The following PLEKHG3 variants were observed in gnomAD, a reference collection of about 807,000 sequenced individuals.
PLEKHG3 encodes pleckstrin homology domain-containing family G member 3.
Under a neutral mutation model 94.9 loss-of-function variants are expected in PLEKHG3, and 62 were observed. The ratio of observed to expected loss-of-function variants is 0.65; its 90% CI spans 0.53 to 0.81. The LOEUF (loss-of-function observed/expected upper bound fraction) is 0.81. Ranked by LOEUF, PLEKHG3 falls within the 30% of genes least tolerant of loss-of-function variation. PLEKHG3 has a pLI of 0.00. For synonymous variants in PLEKHG3, 614 were observed against 654.0 expected, an observed-to-expected ratio of 0.94 and a Z score of 0.93; for missense variants, 1,461 against 1,619.3, an observed-to-expected ratio of 0.90 and a Z score of 1.68.
At chr14:64,707,083 G>A (rs1040711331) in intron 1 of PLEKHG3, among the ~76,000 whole-genome samples, 1 of 152,176 alleles carries the variant, frequency 6.6e-6, no homozygotes, top group Non-Finnish European at 1.5e-5. Context: ...GCTCTGTCCC[G>A]CCTCTCTGGC....
Position 64,731,246 on chromosome 14 carries a change from C to A in PLEKHG3, c.849+77C>A. 6.7e-7 allele frequency: 1 copy of A among 1,483,462 alleles called. No homozygotes were observed. The highest frequency in any genetic ancestry group is 9.3e-7 in the Non-Finnish European group (1 of 1,074,102). 91.9% of individuals were successfully genotyped at this position (1,483,462 alleles called of 1,614,324 possible). A position where few individuals can be genotyped will look rare whatever the true frequency, so the allele number is the denominator to read the frequency against. On this transcript the variant is annotated intron_variant, in intron 7 of 16. Transcript: ENST00000247226. This position sits in a 1 kb window ranked among gnomAD's most constrained non-coding sequence, Gnocchi z 6.1. ...TTCCGCTGGGAAGAGGGACTGTGGC[C>A]ACCCTGCTGGGATGAGCTGGGCAGT...
In PLEKHG3 at chr14:64,715,532, G is replaced by T. The variant is rs1357284051; in HGVS notation, c.-40+10828G>T. Among the ~76,000 whole-genome samples the T allele has an allele frequency of 6.6e-6, 1 of 152,190 alleles. No homozygotes were observed. The highest frequency in any genetic ancestry group is 1.5e-5 in the Non-Finnish European group (1 of 68,034). ...TCAGTTTCCTGACCTGTAAAATAGG[G>T]ATGGCCACCTGCCTTTCCTCTCTGC... On this transcript the variant is annotated intron_variant, in intron 1 of 16. Transcript: ENST00000247226. This position sits in a 1 kb window ranked among gnomAD's most constrained non-coding sequence, Gnocchi z 4.4.
Position 64,744,770 on chromosome 14 carries a change from GA to G in PLEKHG3, c.*1068del, listed in dbSNP as rs1361569598. ...CCCAGGAAACATCCTAGAAGACAAG[GA>G]TTTTTTTTTTTTTTTTTTTTGAGAC... On this transcript the variant is annotated 3_prime_UTR_variant, in exon 17 of 17. Transcript: ENST00000247226. 2 of 130,758 alleles carry G rather than the reference GA, an allele frequency of 1.5e-5. No individual in the cohort carries two copies. The highest frequency in any genetic ancestry group is 4.0e-4 in the East Asian group (2 of 4,958). 8.1% of individuals were successfully genotyped at this position (130,758 alleles called of 1,614,324 possible). A position where few individuals can be genotyped will look rare whatever the true frequency, so the allele number is the denominator to read the frequency against.
Position 64,716,472 on chromosome 14 carries a change from C to T in PLEKHG3, c.-39-11121C>T, listed in dbSNP as rs2081155242. On this transcript the variant is annotated intron_variant, in intron 1 of 16. Transcript: ENST00000247226. The surrounding 1 kb of genome is among the most constrained non-coding windows in gnomAD (Gnocchi z 5.0). ...CACACACACACACACACACAACACA[C>T]ACACACACAACACACACACACACAA... is the stretch of plus-strand genomic sequence containing the variant. Among the ~76,000 whole-genome samples the T allele has an allele frequency of 7.4e-6, 1 of 134,306 alleles. No homozygotes were observed. Among genetic ancestry groups the T allele is most frequent in the Admixed American group, 7.3e-5 (1 of 13,712 alleles). The allele number at this position is 134,306 out of a possible 152,430, so 88.1% of individuals were successfully genotyped here.
At position 64,715,945 on chromosome 14, in the gene PLEKHG3, G is replaced by A; in HGVS notation, c.-40+11241G>A. ...TGACGAAGTTTTGCAGGAGGCGGCG[G>A]GCGCTTTAATTCCCGAGGCTGTTGG... On this transcript the variant is annotated intron_variant, in intron 1 of 16. Coordinates refer to ENST00000247226, the MANE Select transcript of PLEKHG3 (RefSeq NM_001308147.2). The surrounding 1 kb of genome is among the most constrained non-coding windows in gnomAD (Gnocchi z 4.4). The A allele has an allele frequency of 2.3e-6, 1 of 437,546 alleles. No individual in the cohort carries two copies. Among genetic ancestry groups the A allele is most frequent in the Non-Finnish European group, 4.6e-6 (1 of 219,048 alleles). 27.1% of individuals were successfully genotyped at this position (437,546 alleles called of 1,614,324 possible).
At chr14:64,707,148 C>A (rs960071554) in intron 1 of PLEKHG3, among the ~76,000 whole-genome samples, 5 of 152,214 alleles carry the variant, frequency 3.3e-5, no homozygotes, top group African/African-American at 1.2e-4. Context: ...CCTACTCCAT[C>A]CTCCCTCCTC....
At chr14:64,711,789 T>G (rs1431099841) in intron 1 of PLEKHG3, among the ~76,000 whole-genome samples, 1 of 152,250 alleles carries the variant, frequency 6.6e-6, no homozygotes, top group South Asian at 2.1e-4. Flanking sequence ...ATTCTGTGAT[T>G]TGTCTTTTCA....
At position 64,732,885 on chromosome 14, in the gene PLEKHG3, G is replaced by C; in HGVS notation, c.1329G>C (p.Gln443His). The stretch of plus-strand genomic sequence containing the variant: ...ATGAGGTGTCCACCAATGTGCGCCA[G>C]GGGCGCCGGCAATCTGGTAAGAGAA... ...SQDEVSTNVR[Q>H]GRRQSEPTKH... is the part of the protein sequence containing the mutation. The change falls in exon 12 of 17, where the codon CAG becomes CAC. Residue 443 changes from glutamine to histidine, a missense_variant. Coordinates refer to ENST00000247226, the MANE Select transcript of PLEKHG3 (RefSeq NM_001308147.2). The surrounding 1 kb of genome is among the most constrained non-coding windows in gnomAD (Gnocchi z 4.9). 8.7e-6 allele frequency: 14 copies of C among 1,605,798 alleles called. No individual in the cohort carries two copies. The highest frequency in any genetic ancestry group is 1.2e-5 in the Non-Finnish European group (14 of 1,175,974).
chr14:64,732,476 T>C lies in PLEKHG3; in HGVS notation c.1246+16T>C. On this transcript the variant is annotated intron_variant, in intron 11 of 16. Transcript: ENST00000247226. The surrounding 1 kb of genome is among the most constrained non-coding windows in gnomAD (Gnocchi z 4.9). ...GATTCCTATTGTAAGTGTACCCTTT[T>C]CTGCCTGTTTTGTCCCTAATCGTGC... 1 of 1,610,838 alleles carries C rather than the reference T, an allele frequency of 6.2e-7. No homozygotes were observed. Among genetic ancestry groups the C allele is most frequent in the Non-Finnish European group, 8.5e-7 (1 of 1,176,994 alleles).
Position 64,745,746 on chromosome 14 carries a change from G to C in PLEKHG3, c.*2043G>C, listed in dbSNP as rs556016379. On this transcript the variant is annotated 3_prime_UTR_variant, in exon 17 of 17. Transcript: ENST00000247226. This position sits in a 1 kb window ranked among gnomAD's most constrained non-coding sequence, Gnocchi z 5.0. ...CCTCTGATCTTCCCTTGAAGAACCC[G>C]ACTGGGGCTCTTCAGAGGGTGGGGC... The C allele has an allele frequency of 2.6e-5, 4 of 152,252 alleles. No homozygotes were observed. Among genetic ancestry groups the C allele is most frequent in the African/African-American group, 7.2e-5 (3 of 41,454 alleles). 9.4% of individuals were successfully genotyped at this position (152,252 alleles called of 1,614,324 possible). A position where few individuals can be genotyped will look rare whatever the true frequency, so the allele number is the denominator to read the frequency against.
Position 64,749,799 on chromosome 14 carries a change from C to T in PLEKHG3, c.*6096C>T. On this transcript the variant is annotated 3_prime_UTR_variant, in exon 17 of 17. Coordinates refer to ENST00000247226, the MANE Select transcript of PLEKHG3 (RefSeq NM_001308147.2). This position sits in a 1 kb window ranked among gnomAD's most constrained non-coding sequence, Gnocchi z 4.7. Reference sequence around the variant, plus strand: ...AATACCCTGAGCCGAACATCCAGACCCCTCTCAGGCAGCCCAGCACTTTCT... The same window carrying T: ...AATACCCTGAGCCGAACATCCAGACTCCTCTCAGGCAGCCCAGCACTTTCT... 1 of 1,512,894 alleles carries T rather than the reference C, an allele frequency of 6.6e-7. No individual in the cohort carries two copies. The highest frequency in any genetic ancestry group is 9.1e-7 in the Non-Finnish European group (1 of 1,103,280). 93.7% of individuals were successfully genotyped at this position (1,512,894 alleles called of 1,614,324 possible). A position where few individuals can be genotyped will look rare whatever the true frequency, so the allele number is the denominator to read the frequency against.
chr14:64,716,474 CACACACAA>C lies in PLEKHG3; in HGVS notation c.-39-11118_-39-11111del. On this transcript the variant is annotated intron_variant, in intron 1 of 16. Transcript: ENST00000247226. The surrounding 1 kb of genome is among the most constrained non-coding windows in gnomAD (Gnocchi z 5.0). The stretch of plus-strand genomic sequence containing the variant: ...CACACACACACACACACAACACACA[CACACACAA>C]CACACACACACACAACACACACACA... Among the ~76,000 whole-genome samples, 1 of 137,956 alleles carries C rather than the reference CACACACAA, an allele frequency of 7.2e-6. No individual in the cohort carries two copies. Among genetic ancestry groups the C allele is most frequent in the South Asian group, 2.5e-4 (1 of 3,984 alleles). The allele number at this position is 137,956 out of a possible 152,430, so 90.5% of individuals were successfully genotyped here.
rs932800684 is a variant in PLEKHG3 at position 64,717,231 on chromosome 14, A to G, written c.-39-10362A>G. Among the ~76,000 whole-genome samples, 11 of 152,162 alleles carry G rather than the reference A, an allele frequency of 7.2e-5. No homozygotes were observed. The highest frequency in any genetic ancestry group is 2.7e-4 in the African/African-American group (11 of 41,434). On this transcript the variant is annotated intron_variant, in intron 1 of 16. Coordinates refer to ENST00000247226, the MANE Select transcript of PLEKHG3 (RefSeq NM_001308147.2). The surrounding 1 kb of genome is among the most constrained non-coding windows in gnomAD (Gnocchi z 4.7). Reference sequence around the variant, plus strand: ...CAAGCCCAAGGTCAGAGCCCAGGGCAAAGAAAGGGGATGTGTTGGAGCTCT... The same window carrying G: ...CAAGCCCAAGGTCAGAGCCCAGGGCGAAGAAAGGGGATGTGTTGGAGCTCT...
chr14:64,749,830 G>T lies in PLEKHG3; in HGVS notation c.*6127G>T. 1.4e-6 allele frequency: 2 copies of T among 1,479,176 alleles called. No individual in the cohort carries two copies. Among genetic ancestry groups the T allele is most frequent in the Non-Finnish European group, 1.9e-6 (2 of 1,071,226 alleles). The allele number at this position is 1,479,176 out of a possible 1,614,324, so 91.6% of individuals were successfully genotyped here. On this transcript the variant is annotated 3_prime_UTR_variant, in exon 17 of 17. Transcript: ENST00000247226. The surrounding 1 kb of genome is among the most constrained non-coding windows in gnomAD (Gnocchi z 4.7). ...CAGGCAGCCCAGCACTTTCTGAGAG[G>T]TCAAAGTCTGGACCATCAGCCTCTT...
chr14:64,749,893 C>T lies in PLEKHG3; in HGVS notation c.*6190C>T. The T allele has an allele frequency of 6.4e-7, 1 of 1,572,270 alleles. No homozygotes were observed. Among genetic ancestry groups the T allele is most frequent in the Non-Finnish European group, 8.8e-7 (1 of 1,142,738 alleles). Reference sequence around the variant, plus strand: ...CCCCTGAGGAGCAGCTCAGGCCTGGCACTGGTCCCCTACAGAGGGCCTCTG... The same window carrying T: ...CCCCTGAGGAGCAGCTCAGGCCTGGTACTGGTCCCCTACAGAGGGCCTCTG... On this transcript the variant is annotated 3_prime_UTR_variant, in exon 17 of 17. Coordinates refer to ENST00000247226, the MANE Select transcript of PLEKHG3 (RefSeq NM_001308147.2). The surrounding 1 kb of genome is among the most constrained non-coding windows in gnomAD (Gnocchi z 4.7).
In PLEKHG3 at chr14:64,718,982, G is replaced by A. The variant is rs1343497633; in HGVS notation, c.-39-8611G>A. 6.6e-6 allele frequency among the ~76,000 whole-genome samples: 1 copy of A among 152,144 alleles called. No homozygotes were observed. The highest frequency in any genetic ancestry group is 2.4e-5 in the African/African-American group (1 of 41,416). ...CCAGTAGTACATGCCGTCTCTCCGT[G>A]TGGATCCCAGAGGAATGCGCCTCTG... On this transcript the variant is annotated intron_variant, in intron 1 of 16. Coordinates refer to ENST00000247226, the MANE Select transcript of PLEKHG3 (RefSeq NM_001308147.2). The surrounding 1 kb of genome is among the most constrained non-coding windows in gnomAD (Gnocchi z 5.0).
intron 1 of PLEKHG3, among the ~76,000 whole-genome samples, chr14:64,711,578 T>C (rs1427697305): frequency 6.6e-6 from 1 of 152,134 alleles, no homozygotes; most frequent in African/African-American, 2.4e-5. Context: ...CACGTCTGGC[T>C]AATTTTTGTA....
At position 64,717,003 on chromosome 14, in the gene PLEKHG3, G is replaced by A. The variant is rs563929246; in HGVS notation, c.-39-10590G>A. On this transcript the variant is annotated intron_variant, in intron 1 of 16. Coordinates refer to ENST00000247226, the MANE Select transcript of PLEKHG3 (RefSeq NM_001308147.2). This position sits in a 1 kb window ranked among gnomAD's most constrained non-coding sequence, Gnocchi z 4.7. Reference sequence around the variant, plus strand: ...TAGTAGGGGAAGCGGGGAACATGGGGGATGGGGGAAGGAGCTATGGGTAGA... The same window carrying A: ...TAGTAGGGGAAGCGGGGAACATGGGAGATGGGGGAAGGAGCTATGGGTAGA... Among the ~76,000 whole-genome samples the A allele has an allele frequency of 2.6e-5, 4 of 152,348 alleles. No homozygotes were observed. In the East Asian group the frequency reaches 7.7e-4, roughly 29 times the overall value.
In PLEKHG3 at chr14:64,727,693, C is replaced by G; in HGVS notation, c.62C>G (p.Ser21Cys). ...GSQERPVSLT[S>C]TTSSSGSSCD... Reference sequence around the variant, plus strand: ...CAGGAGCGGCCGGTGAGCCTGACCTCTACCACCTCCTCGTCGGGCTCCTCC... The same window carrying G: ...CAGGAGCGGCCGGTGAGCCTGACCTGTACCACCTCCTCGTCGGGCTCCTCC... Residue 21 changes from serine (S) to cysteine (C), a missense_variant, in exon 2 of 17, where the codon TCT becomes TGT. Transcript: ENST00000247226. This position sits in a 1 kb window ranked among gnomAD's most constrained non-coding sequence, Gnocchi z 6.0. 11 of 1,612,574 alleles carry G rather than the reference C, an allele frequency of 6.8e-6. No individual in the cohort carries two copies. Among genetic ancestry groups the G allele is most frequent in the Non-Finnish European group, 8.5e-6 (10 of 1,179,754 alleles).
Sources: allele counts gnomAD v4.1 joint callset (sites outside exome capture counted in the v4.1 genomes callset), GRCh38; gene constraint gnomAD v4.1.1; non-coding constraint Gnocchi (gnomAD v3.1); transcripts MANE v1.5; gene names NCBI Gene and HGNC (gene_info 2026-07-23, HGNC 2026-07-21).